RALB: variants seen among roughly 807,000 people sequenced by gnomAD.
RALB encodes ras-related protein Ral-B.
A neutral mutation model predicts 21.3 loss-of-function variants in RALB; 16 were observed. The ratio of observed to expected loss-of-function variants is 0.75; its 90% CI spans 0.51 to 1.14. RALB has a LOEUF of 1.14. RALB is among the 50% of genes most tolerant of loss of function. The pLI is 0.00. For missense variants in RALB, 161 were observed against 256.2 expected, an observed-to-expected ratio of 0.63 and a Z score of 2.54; for synonymous variants, 93 against 96.1, an observed-to-expected ratio of 0.97 and a Z score of 0.19.
chr2:120,252,017 A>T (rs1200722231), upstream of RALB, among the ~76,000 whole-genome samples: 1 of 152,174 alleles, frequency 6.6e-6, no homozygotes, highest in African/African-American at 2.4e-5. Flanking sequence ...ATCACATTGC[A>T]TAAGAGATAG....
At chr2:120,243,080 T>A (rs1688919317) in intron 1 of RALB, among the ~76,000 whole-genome samples, 1 of 152,364 alleles carries the variant, frequency 6.6e-6, no homozygotes, top group South Asian at 2.1e-4. Context: ...CTCAGAGGCA[T>A]GCCTTTTCTC....
chr2:120,277,314 C>T (rs1573345897), intron 1 of RALB, among the ~76,000 whole-genome samples: 2 of 151,548 alleles, frequency 1.3e-5, no homozygotes, highest in South Asian at 2.1e-4. Context: ...GAACGTGTTA[C>T]AGCATGTGAG....
chr2:120,247,866 G>T (rs1688996453), upstream of RALB, among the ~76,000 whole-genome samples: 1 of 152,178 alleles, frequency 6.6e-6, no homozygotes, highest in Non-Finnish European at 1.5e-5. Flanking sequence ...GTGAATTAAA[G>T]ATCTTAGGTC....
At chr2:120,276,941 C>T (rs958313084) in intron 1 of RALB, among the ~76,000 whole-genome samples, 3 of 152,146 alleles carry the variant, frequency 2.0e-5, no homozygotes, top group Admixed American at 1.3e-4. Context: ...GCCCTTTATT[C>T]TTGTGTTTTG....
At chr2:120,255,875 T>G (rs941634803) in intron 1 of RALB, among the ~76,000 whole-genome samples, 2 of 152,146 alleles carry the variant, frequency 1.3e-5, no homozygotes, top group African/African-American at 2.4e-5. Flanking sequence ...ATTGTTTTCA[T>G]TGTTGCTTTT....
At chr2:120,258,962 G>A (rs1396528952) in intron 1 of RALB, among the ~76,000 whole-genome samples, 2 of 151,832 alleles carry the variant, frequency 1.3e-5, no homozygotes, top group South Asian at 4.2e-4. Context: ...TGGTGGGTTC[G>A]TGGTCTCGCT....
chr2:120,260,893 A>G (rs11893180), intron 1 of RALB, among the ~76,000 whole-genome samples: 105,743 of 152,140 alleles, frequency 0.7, 37,339 homozygotes, highest in Middle Eastern at 0.8. Context: ...GTGAGCTTAT[A>G]TTGGGAGGAA....
At position 120,261,053 on chromosome 2, in the gene RALB, A is replaced by G. The variant is rs371156024; in HGVS notation, c.-48+8073A>G. ...CACTCCAGACCTACTGAATCAGAAT[A>G]TGCGTTTTCACAAGATTCCCAGGTA... On this transcript the variant is annotated intron_variant, in intron 1 of 4. Coordinates refer to ENST00000272519, the MANE Select transcript of RALB (RefSeq NM_002881.3). Among the ~76,000 whole-genome samples the G allele has an allele frequency of 3.9e-4, 60 of 152,334 alleles. 2 individuals carry two copies. The South Asian group carries it at 0.011, about 29-fold the overall frequency.
intron 1 of RALB, among the ~76,000 whole-genome samples, chr2:120,272,349 T>C (rs140056873): frequency 1.3e-5 from 2 of 152,306 alleles, no homozygotes; most frequent in Admixed American, 1.3e-4. Context: ...CTAATTGCTT[T>C]GGGGAAAATG....
intron 1 of RALB, among the ~76,000 whole-genome samples, chr2:120,267,403 GT>G (rs58156569): frequency 0.69 from 105,235 of 151,686 alleles, 37,085 homozygotes; most frequent in Middle Eastern, 0.8. Flanking sequence ...GACATGGAAA[GT>G]TGAGTCATAA....
chr2:120,273,464 T>C (rs1255928701), intron 1 of RALB, among the ~76,000 whole-genome samples: 1 of 152,176 alleles, frequency 6.6e-6, no homozygotes, highest in Non-Finnish European at 1.5e-5. Flanking sequence ...ACCACATGAC[T>C]CCTGAGCAGT....
In RALB at chr2:120,293,875, G is replaced by A. The variant is rs1690365199; in HGVS notation, c.*615G>A. On this transcript the variant is annotated 3_prime_UTR_variant, in exon 5 of 5. Transcript: ENST00000272519. ...TCCTCACATATGAAAAGTGAAAGTT[G>A]TGAGTTGTTTTCCTCTTATTTAAAC... 3.1e-6 allele frequency: 1 copy of A among 326,876 alleles called. No individual in the cohort carries two copies. The highest frequency in any genetic ancestry group is 5.5e-6 in the Non-Finnish European group (1 of 181,652). 20.2% of individuals were successfully genotyped at this position (326,876 alleles called of 1,614,324 possible).
chr2:120,253,109 C>A, intron 1 of RALB, 129 bp downstream of exon 1: 1 of 630,060 alleles, frequency 1.6e-6, no homozygotes, highest in African/African-American at 2.0e-5. Context: ...GGACATGTCG[C>A]GCCCCGAGGC....
chr2:120,276,079 C>T (rs1200085182), intron 1 of RALB, among the ~76,000 whole-genome samples: 1 of 152,194 alleles, frequency 6.6e-6, no homozygotes, highest in African/African-American at 2.4e-5. Flanking sequence ...GAGTCCTCAG[C>T]CTGAGCTACT....
At position 120,278,661 on chromosome 2, in the gene RALB, C is replaced by T. The variant is rs760462423; in HGVS notation, c.-4C>T. On this transcript the variant is annotated 5_prime_UTR_variant, in exon 2 of 5. Coordinates refer to ENST00000272519, the MANE Select transcript of RALB (RefSeq NM_002881.3). ...GTGTGTCACAGCCTCAGAAGACCAG[C>T]GAGATGGCTGCCAACAAGAGTAAGG... is the stretch of plus-strand genomic sequence containing the variant. 10 of 1,591,426 alleles carry T rather than the reference C, an allele frequency of 6.3e-6. No individual in the cohort carries two copies. The highest frequency in any genetic ancestry group is 8.6e-6 in the Non-Finnish European group (10 of 1,168,404).
intron 2 of RALB, among the ~76,000 whole-genome samples, chr2:120,282,245 G>A (rs950705251): frequency 1.3e-5 from 2 of 152,052 alleles, no homozygotes; most frequent in Non-Finnish European, 2.9e-5. Flanking sequence ...TTGGGAGGCC[G>A]AGGCGGGCAG....
In RALB at chr2:120,285,984, C is replaced by T. The variant is rs374828155; in HGVS notation, c.225C>T (p.Tyr75=). 2.5e-5 allele frequency: 41 copies of T among 1,613,914 alleles called. No homozygotes were observed. The highest frequency in any genetic ancestry group is 5.3e-5 in the African/African-American group (4 of 74,888). The change falls in exon 3 of 5, where the codon TAC becomes TAT. Residue 75 remains tyrosine, a synonymous_variant. Transcript: ENST00000272519. ...DILDTAGQED[Y]AAIRDNYFRS... is the part of the protein sequence containing the mutation. ...TGGACACCGCTGGGCAAGAGGACTA[C>T]GCAGCCATTCGAGATAACTACTTTC...
chr2:120,256,982 A>G (rs1689215747), intron 1 of RALB, among the ~76,000 whole-genome samples: 1 of 152,228 alleles, frequency 6.6e-6, no homozygotes, highest in South Asian at 2.1e-4. Flanking sequence ...AAGCTTTAAT[A>G]CTATATGTGA....
At chr2:120,243,899 G>T (rs756173934) in intron 1 of RALB, among the ~76,000 whole-genome samples, 40 of 152,178 alleles carry the variant, frequency 2.6e-4, no homozygotes, top group Non-Finnish European at 4.6e-4. Flanking sequence ...GACATTGGCT[G>T]TATTAGTCTG....
Sources: gnomAD v4.1 joint callset for allele counts (sites outside exome capture counted in the v4.1 genomes callset) on GRCh38, gnomAD v4.1.1 for gene constraint, MANE v1.5 for transcripts, NCBI Gene and HGNC (gene_info 2026-07-23, HGNC 2026-07-21) for gene names.